The following USP50 variants were observed in gnomAD, a reference collection of about 807,000 sequenced individuals.
USP50 encodes ubiquitin specific peptidase 50.
USP50 carries 37 observed loss-of-function variants against 39.2 expected under a neutral mutation model. That is an observed-to-expected ratio of 0.94 (90% CI 0.73 to 1.24). The LOEUF (loss-of-function observed/expected upper bound fraction) is 1.24. Among genes scored for constraint, USP50 ranks in the 50% most tolerant of loss-of-function variants. USP50 has a pLI of 0.00. For synonymous variants in USP50, 139 were observed against 144.5 expected, an observed-to-expected ratio of 0.96 and a Z score of 0.27; for missense variants, 374 against 398.2, an observed-to-expected ratio of 0.94 and a Z score of 0.52.
intron 6 of USP50, chr15:50,514,101 A>G (rs2052774699): frequency 6.6e-6 from 1 of 152,256 alleles, no homozygotes; most frequent in South Asian, 2.1e-4. Flanking sequence ...ATAAATTACA[A>G]TATAAACAAC....
intron 6 of USP50, among the ~76,000 whole-genome samples, chr15:50,519,314 A>T (rs191746908): frequency 2.8e-4 from 42 of 152,088 alleles, no homozygotes; most frequent in South Asian, 8.3e-4. Context: ...ACAATAAAAA[A>T]AAAGTGTGCA....
At chr15:50,524,891 A>T (rs2052876256) in intron 6 of USP50, among the ~76,000 whole-genome samples, 1 of 151,812 alleles carries the variant, frequency 6.6e-6, no homozygotes, top group Non-Finnish European at 1.5e-5. Flanking sequence ...AATAACATCA[A>T]CAAAAAAAAA....
chr15:50,504,466 G>A (rs549216906), intron 6 of USP50: 1 of 152,344 alleles, frequency 6.6e-6, no homozygotes, highest in Non-Finnish European at 1.5e-5. Context: ...CGAGGCTACA[G>A]TGAGCTGTGA....
chr15:50,500,868 T>G, intron 6 of USP50, 31 bp from the exon 7 acceptor site: 1 of 1,536,352 alleles, frequency 6.5e-7, no homozygotes, highest in South Asian at 1.2e-5. Flanking sequence ...AAACTTAGTA[T>G]TCACATATGA....
chr15:50,544,386 A>C (rs867288428), intron 2 of USP50, among the ~76,000 whole-genome samples: 1 of 151,792 alleles, frequency 6.6e-6, no homozygotes, highest in Non-Finnish European at 1.5e-5. Flanking sequence ...AAAAAAATAA[A>C]AAATAAAAAA....
chr15:50,541,384 A>T, intron 3 of USP50, 120 bp from the exon 4 acceptor site: 1 of 752,804 alleles, frequency 1.3e-6, no homozygotes. Flanking sequence ...ATGGTGGCAC[A>T]CATCTGTGGT....
downstream of USP50, chr15:50,498,487 G>A (rs959941616): frequency 6.6e-6 from 9 of 1,370,642 alleles, no homozygotes; most frequent in Non-Finnish European, 8.7e-6. Context: ...CCAAGTCTTT[G>A]TATTTGAAAT....
intron 6 of USP50, among the ~76,000 whole-genome samples, chr15:50,523,281 C>T (rs373629110): frequency 1.5e-4 from 23 of 149,270 alleles, no homozygotes; most frequent in Admixed American, 1.0e-3. Flanking sequence ...TGGGCTCAAG[C>T]GATCCTCCCA....
At chr15:50,516,102 G>A (rs546745053) in intron 6 of USP50, among the ~76,000 whole-genome samples, 1 of 152,232 alleles carries the variant, frequency 6.6e-6, no homozygotes, top group African/African-American at 2.4e-5. Flanking sequence ...GTAAGTAAAA[G>A]ATGTTTTATG....
At chr15:50,524,191 G>A (rs369856241) in intron 6 of USP50, among the ~76,000 whole-genome samples, 31 of 152,306 alleles carry the variant, frequency 2.0e-4, no homozygotes, top group East Asian at 1.2e-3. Context: ...ACATGGAGAC[G>A]CTACACAGCG....
chr15:50,495,167 C>T, intron 1 of USP50, among the ~76,000 whole-genome samples: 1 of 151,694 alleles, frequency 6.6e-6, no homozygotes, highest in Non-Finnish European at 1.5e-5. Context: ...ATTTTGGGGT[C>T]ACCATTCTTA....
At chr15:50,536,079 GATGT>G (rs989756799) in intron 5 of USP50, among the ~76,000 whole-genome samples, 10 of 152,124 alleles carry the variant, frequency 6.6e-5, no homozygotes, top group African/African-American at 2.4e-4. Context: ...GCAAGGCAAG[GATGT>G]CCCCTCACCA....
At chr15:50,509,745 T>C (rs533317819) in intron 6 of USP50, 1 of 152,156 alleles carries the variant, frequency 6.6e-6, no homozygotes, top group South Asian at 2.1e-4. Context: ...CTGAATAAAT[T>C]TATTGTTAAT....
intron 6 of USP50, chr15:50,514,478 G>C (rs1347830502): frequency 6.6e-6 from 1 of 152,194 alleles, no homozygotes; most frequent in East Asian, 1.9e-4. Context: ...CAGCCCGACT[G>C]CTTAAGCCCA....
intron 6 of USP50, chr15:50,510,091 G>A (rs925444653): frequency 1.3e-5 from 2 of 151,920 alleles, no homozygotes; most frequent in Admixed American, 1.3e-4. Context: ...AATACAGTAC[G>A]GAATTAGCCC....
intron 5 of USP50, among the ~76,000 whole-genome samples, chr15:50,533,224 C>CT (rs2052955944): frequency 6.8e-6 from 1 of 146,648 alleles, no homozygotes; most frequent in Non-Finnish European, 1.5e-5. Flanking sequence ...TATCCAGGGA[C>CT]TGTGGGACAA....
At chr15:50,519,837 T>G (rs187477264) in intron 6 of USP50, among the ~76,000 whole-genome samples, 1 of 152,284 alleles carries the variant, frequency 6.6e-6, no homozygotes, top group Admixed American at 6.5e-5. Flanking sequence ...TTGGTGGGAA[T>G]GTAAATTAGT....
intron 6 of USP50, chr15:50,503,142 G>C (rs555480548): frequency 6.6e-6 from 1 of 152,262 alleles, no homozygotes; most frequent in Non-Finnish European, 1.5e-5. Context: ...GAGGTCAGGA[G>C]TTTGAGACTA....
intron 3 of USP50, among the ~76,000 whole-genome samples, chr15:50,542,045 T>TAA (rs11399289): frequency 9.5e-4 from 131 of 138,500 alleles, no homozygotes; most frequent in Middle Eastern, 7.1e-3. Context: ...CAAGGTTAAT[T>TAA]AAAAAAAAAA....
Sources: gnomAD v4.1 joint callset for allele counts (sites outside exome capture counted in the v4.1 genomes callset) on GRCh38, gnomAD v4.1.1 for gene constraint, MANE v1.5 for transcripts, NCBI Gene and HGNC (gene_info 2026-07-23, HGNC 2026-07-21) for gene names.